Variants in MITF observed in about 807,000 individuals in gnomAD.
The protein encoded by MITF is melanocyte inducing transcription factor.
MITF carries 17 observed loss-of-function variants against 60.5 expected under a neutral mutation model. The ratio of observed to expected loss-of-function variants is 0.28; its 90% confidence interval spans 0.19 to 0.42. The LOEUF (loss-of-function observed/expected upper bound fraction) is 0.42. Ranked by LOEUF, MITF falls within the 10% of genes least tolerant of loss-of-function variation. MITF has a pLI of 1.00. For missense variants in MITF, 622 were observed against 683.5 expected, an observed-to-expected ratio of 0.91 and a Z score of 1.00; for synonymous variants, 260 against 248.5, an observed-to-expected ratio of 1.05 and a Z score of -0.43.
At chr3:69,878,957 T>C in intron 1 of MITF, 177 bp from the exon 2 acceptor site, 2 of 620,350 alleles carry the variant, frequency 3.2e-6, no homozygotes, top group Non-Finnish European at 5.8e-6. Context: ...ATTCAACTAC[T>C]AATGACTTAA....
rs1388924878 is a variant in MITF at position 69,879,276 on chromosome 3, G to T, written c.247G>T (p.Ala83Ser). Residue 83 changes from alanine to serine, a missense_variant, in exon 2 of 10, where the codon GCC becomes TCC. Ala to Ser is a moderately conservative substitution (Grantham distance 99). Coordinates refer to ENST00000352241, the MANE Select transcript of MITF (RefSeq NM_001354604.2). ...GGAGCAGCAGCAGAAGCTGCAGGCG[G>T]CCCAGTTCATGCAACAGAGAGTGCC... ...RREQQQKLQA[A>S]QFMQQRVPVS... 1.3e-5 allele frequency: 21 copies of T among 1,614,086 alleles called. No individual in the cohort carries two copies. Among genetic ancestry groups the T allele is most frequent in the Non-Finnish European group, 1.7e-5 (20 of 1,180,054 alleles).
At chr3:69,919,105 A>C (rs1210714519) in intron 2 of MITF, among the ~76,000 whole-genome samples, 1 of 152,184 alleles carries the variant, frequency 6.6e-6, no homozygotes, top group Non-Finnish European at 1.5e-5. Flanking sequence ...CCCATATTTC[A>C]ATACCAAAAC....
In MITF at chr3:69,907,479, A is replaced by G. The variant is rs2065125936; in HGVS notation, c.354+28096A>G. Among the ~76,000 whole-genome samples the G allele has an allele frequency of 2.6e-5, 4 of 152,194 alleles. No homozygotes were observed. The South Asian group carries it at 8.3e-4, about 32-fold the overall frequency. ...ACAACTCTTTCTTCATGAAAGTTAT[A>G]TTCTACTGGAGGAGAGACTCATGAT... On this transcript the variant is annotated intron_variant, in intron 2 of 9. Transcript: ENST00000352241.
chr3:69,796,885 G>T (rs1446916689), intron 1 of MITF, among the ~76,000 whole-genome samples: 1 of 152,180 alleles, frequency 6.6e-6, no homozygotes, highest in African/African-American at 2.4e-5. Context: ...TTGAGCAAAT[G>T]CCACCAACAA....
intron 1 of MITF, among the ~76,000 whole-genome samples, chr3:69,859,118 T>C (rs192338830): frequency 8.7e-4 from 132 of 152,314 alleles, no homozygotes; most frequent in Non-Finnish European, 1.5e-3. Context: ...TGTGTCTGCA[T>C]TGAATCACCA....
At chr3:69,869,028 G>C (rs139613981) in intron 1 of MITF, among the ~76,000 whole-genome samples, 26 of 151,972 alleles carry the variant, frequency 1.7e-4, no homozygotes, top group African/African-American at 6.0e-4. Flanking sequence ...TAGAATTAAG[G>C]AACTGTCGTA....
intron 1 of MITF, among the ~76,000 whole-genome samples, chr3:69,851,413 C>T (rs982043732): frequency 6.6e-6 from 1 of 152,006 alleles, no homozygotes; most frequent in African/African-American, 2.4e-5. Flanking sequence ...GCCTGAATGT[C>T]CTTATACTAG....
chr3:69,801,165 C>T (rs1200404386), intron 1 of MITF, among the ~76,000 whole-genome samples: 1 of 151,350 alleles, frequency 6.6e-6, no homozygotes, highest in Non-Finnish European at 1.5e-5. Flanking sequence ...GTAGAAAAAG[C>T]TCGGCTGACG....
intron 1 of MITF, among the ~76,000 whole-genome samples, chr3:69,810,118 G>C (rs1415775645): frequency 6.6e-6 from 1 of 152,006 alleles, no homozygotes; most frequent in Admixed American, 6.6e-5. Flanking sequence ...ATCTACCCTT[G>C]GTCCTCTGTC....
chr3:69,760,467 A>C (rs2062195696), intron 1 of MITF, among the ~76,000 whole-genome samples: 1 of 152,220 alleles, frequency 6.6e-6, no homozygotes, highest in South Asian at 2.1e-4. Flanking sequence ...ATAGACATGC[A>C]CCCAGAGTAG....
At chr3:69,837,067 G>T (rs2063551794) in intron 1 of MITF, among the ~76,000 whole-genome samples, 1 of 152,192 alleles carries the variant, frequency 6.6e-6, no homozygotes, top group Non-Finnish European at 1.5e-5. Context: ...AGATGTAGCT[G>T]CATCTTTCCT....
In MITF at chr3:69,840,985, G is replaced by A. The variant is rs144619959; in HGVS notation, c.105-38149G>A. Reference sequence around the variant, plus strand: ...TGGCCAAGCTGGTCTTGAACTCCTGGCCTCAAGGGACCCACCCACCTTGGC... The same window carrying A: ...TGGCCAAGCTGGTCTTGAACTCCTGACCTCAAGGGACCCACCCACCTTGGC... On this transcript the variant is annotated intron_variant, in intron 1 of 9. Transcript: ENST00000352241. 4.2e-3 allele frequency among the ~76,000 whole-genome samples: 641 copies of A among 152,118 alleles called. 6 individuals are homozygous for A. The highest frequency in any genetic ancestry group is 7.3e-3 in the Non-Finnish European group (499 of 67,982).
chr3:69,863,442 G>A (rs920787792), intron 1 of MITF, among the ~76,000 whole-genome samples: 7 of 152,156 alleles, frequency 4.6e-5, no homozygotes. Flanking sequence ...TTCTTGAGGC[G>A]GTGGATTGTC....
intron 2 of MITF, among the ~76,000 whole-genome samples, chr3:69,912,550 C>T (rs998656033): frequency 6.6e-5 from 10 of 152,180 alleles, no homozygotes; most frequent in African/African-American, 2.4e-4. Context: ...TTCCCTCATA[C>T]TATCATAATC....
At chr3:69,757,298 C>T (rs944461092) in intron 1 of MITF, among the ~76,000 whole-genome samples, 1 of 152,160 alleles carries the variant, frequency 6.6e-6, no homozygotes, top group Admixed American at 6.5e-5. Flanking sequence ...TATTTTCAGA[C>T]TTTCTCCAGT....
chr3:69,803,619 A>G (rs771126196), intron 1 of MITF, among the ~76,000 whole-genome samples: 1 of 152,240 alleles, frequency 6.6e-6, no homozygotes, highest in Non-Finnish European at 1.5e-5. Context: ...AAGTAAATCT[A>G]ATTTTTTAAA....
chr3:69,811,450 T>C (rs557103210), intron 1 of MITF, among the ~76,000 whole-genome samples: 139 of 152,286 alleles, frequency 9.1e-4, no homozygotes, highest in African/African-American at 3.0e-3. Context: ...CACAAAGCCC[T>C]CAGTATTCTC....
chr3:69,902,578 T>C (rs1226401522), intron 2 of MITF, among the ~76,000 whole-genome samples: 8 of 152,230 alleles, frequency 5.3e-5, no homozygotes, highest in Non-Finnish European at 8.8e-5. Flanking sequence ...AGATAGCTCA[T>C]AGGTTATTCT....
intron 8 of MITF, 138 bp downstream of exon 8, chr3:69,956,668 C>T: frequency 1.4e-6 from 1 of 727,090 alleles, no homozygotes; most frequent in Non-Finnish European, 2.4e-6. Flanking sequence ...CTAAATTCTT[C>T]TTACACCTTT....
Sources: allele counts gnomAD v4.1 joint callset (sites outside exome capture counted in the v4.1 genomes callset), GRCh38; gene constraint gnomAD v4.1.1; transcripts MANE v1.5; gene names NCBI Gene and HGNC (gene_info 2026-07-23, HGNC 2026-07-21).